Variants in ST6GALNAC3 observed in about 807,000 individuals in gnomAD.
ST6GALNAC3 encodes ST6 N-acetylgalactosaminide alpha-2,6-sialyltransferase 3.
A neutral mutation model predicts 32.7 loss-of-function variants in ST6GALNAC3; 25 were observed. The ratio of observed to expected loss-of-function variants is 0.76; its 90% CI spans 0.56 to 1.07. The LOEUF is 1.07. ST6GALNAC3 is among the 50% of genes least tolerant of loss of function. The pLI is 0.00. For synonymous variants in ST6GALNAC3, 129 were observed against 133.1 expected (o/e 0.97, Z 0.21); for missense variants, 355 against 382.4 (o/e 0.93, Z 0.60).
chr1:76,271,509 A>G (rs1658842127), intron 1 of ST6GALNAC3, among the ~76,000 whole-genome samples: 1 of 152,240 alleles, frequency 6.6e-6, no homozygotes, highest in South Asian at 2.1e-4. Flanking sequence ...TTATTGGGAC[A>G]AAACAGATCA....
At chr1:76,233,252 A>G (rs551424863) in intron 1 of ST6GALNAC3, among the ~76,000 whole-genome samples, 1 of 152,294 alleles carries the variant, frequency 6.6e-6, no homozygotes, top group African/African-American at 2.4e-5. Context: ...TATGATTCAC[A>G]TTAAGAGAGT....
At chr1:76,533,476 C>G (rs1663392146) in intron 3 of ST6GALNAC3, among the ~76,000 whole-genome samples, 1 of 152,150 alleles carries the variant, frequency 6.6e-6, no homozygotes, top group African/African-American at 2.4e-5. Context: ...CCTACATCAC[C>G]CGCCTGCTCA....
At chr1:76,150,978 C>A (rs906440131) in intron 1 of ST6GALNAC3, among the ~76,000 whole-genome samples, 4 of 152,186 alleles carry the variant, frequency 2.6e-5, no homozygotes, top group Non-Finnish European at 1.5e-5. Context: ...TACTTGGACT[C>A]TGAAAAGGTG....
At position 76,368,217 on chromosome 1, in the gene ST6GALNAC3, T is replaced by C. The variant is rs76381761; in HGVS notation, c.214-43791T>C. On this transcript the variant is annotated intron_variant, in intron 2 of 4. Coordinates refer to ENST00000328299, the MANE Select transcript of ST6GALNAC3 (RefSeq NM_152996.4). ...GAGAAAACCAGCACAAAACCATCTA[T>C]AGGCAATAGACAAATGAATGAATGT... Among the ~76,000 whole-genome samples, 164 of 152,258 alleles carry C rather than the reference T, an allele frequency of 1.1e-3. 4 individuals are homozygous for C. The East Asian group carries it at 0.03, about 28-fold the overall frequency.
intron 1 of ST6GALNAC3, among the ~76,000 whole-genome samples, chr1:76,096,715 A>C (rs528944153): frequency 2.2e-4 from 34 of 151,808 alleles, no homozygotes; most frequent in African/African-American, 8.0e-4. Context: ...TGAGGACAGA[A>C]CATCGTAGGT....
rs1286608086 is a variant in ST6GALNAC3, at chr1:76,287,757, C to T, written c.19-26048C>T. Among the ~76,000 whole-genome samples the T allele has an allele frequency of 2.0e-5, 3 of 152,190 alleles. No individual in the cohort carries two copies. In the East Asian group the frequency reaches 5.8e-4, roughly 29 times the overall value. On this transcript the variant is annotated intron_variant, in intron 1 of 4. Coordinates refer to ENST00000328299, the MANE Select transcript of ST6GALNAC3 (RefSeq NM_152996.4). ...TAGTCCATTGGGTGTGTTTGTTCTT[C>T]ACATTATCCAGAGCATCTGCCAGTT...
downstream of ST6GALNAC3, among the ~76,000 whole-genome samples, chr1:76,635,130 A>T (rs1435125254): frequency 6.6e-6 from 1 of 152,160 alleles, no homozygotes; most frequent in Non-Finnish European, 1.5e-5. Flanking sequence ...ATATTAACAA[A>T]GTTGGGTTAG....
chr1:76,273,213 T>C (rs999050733), intron 1 of ST6GALNAC3, among the ~76,000 whole-genome samples: 8 of 152,100 alleles, frequency 5.3e-5, no homozygotes, highest in African/African-American at 1.7e-4. Context: ...AAAACCTTCA[T>C]GGATTAAAAT....
intron 3 of ST6GALNAC3, among the ~76,000 whole-genome samples, chr1:76,458,556 T>C (rs1464576525): frequency 6.9e-6 from 1 of 145,580 alleles, no homozygotes; most frequent in African/African-American, 2.6e-5. Context: ...TATGCAGCCA[T>C]AAAAAATGAT....
Position 76,627,527 on chromosome 1 carries a change from C to G in ST6GALNAC3, c.699C>G (p.His233Gln). 2 of 1,612,582 alleles carry G rather than the reference C, an allele frequency of 1.2e-6. No homozygotes were observed. Among genetic ancestry groups the G allele is most frequent in the Non-Finnish European group, 1.7e-6 (2 of 1,178,954 alleles). Residue 233 changes from histidine to glutamine, a missense_variant, in exon 4 of 5, where the codon CAC becomes CAG. Coordinates refer to ENST00000328299, the MANE Select transcript of ST6GALNAC3 (RefSeq NM_152996.4). The part of the protein sequence containing the change: ...LLAMDACYGI[H>Q]VYGMINDTYC... Reference sequence around the variant, plus strand: ...CCATGGACGCCTGTTATGGCATTCACGTCTACGGGATGATAAATGACACCT... The same window carrying G: ...CCATGGACGCCTGTTATGGCATTCAGGTCTACGGGATGATAAATGACACCT...
chr1:76,398,227 T>C (rs1487368209), intron 2 of ST6GALNAC3, among the ~76,000 whole-genome samples: 1 of 152,248 alleles, frequency 6.6e-6, no homozygotes, highest in Non-Finnish European at 1.5e-5. Flanking sequence ...ACAAATCTCT[T>C]TAGTGAATGG....
chr1:76,232,036 A>G (rs1159146133), intron 1 of ST6GALNAC3, among the ~76,000 whole-genome samples: 33 of 152,208 alleles, frequency 2.2e-4, no homozygotes, highest in Admixed American at 2.2e-3. Context: ...GAGAAACTTC[A>G]CTTACCCAAG....
At chr1:76,461,571 G>A (rs1658281615) in intron 3 of ST6GALNAC3, among the ~76,000 whole-genome samples, 1 of 152,118 alleles carries the variant, frequency 6.6e-6, no homozygotes, top group Non-Finnish European at 1.5e-5. Flanking sequence ...TTCTGTCTCA[G>A]CATGGGCATC....
chr1:76,230,812 A>G (rs1656323810), intron 1 of ST6GALNAC3, among the ~76,000 whole-genome samples: 2 of 152,246 alleles, frequency 1.3e-5, no homozygotes, highest in Admixed American at 1.3e-4. Context: ...AATTGTAACA[A>G]CAATAAAACA....
intron 3 of ST6GALNAC3, among the ~76,000 whole-genome samples, chr1:76,498,920 T>C (rs575768825): frequency 1.1e-4 from 16 of 152,090 alleles, no homozygotes; most frequent in Non-Finnish European, 2.4e-4. Flanking sequence ...TTTGATTATA[T>C]AAGAATGTAA....
At chr1:76,339,884 G>T (rs1020707107) in intron 2 of ST6GALNAC3, among the ~76,000 whole-genome samples, 11 of 152,184 alleles carry the variant, frequency 7.2e-5, no homozygotes, top group African/African-American at 2.7e-4. Flanking sequence ...AAATCATTCA[G>T]AGCAGGTTCT....
At chr1:76,484,747 T>C (rs1240036042) in intron 3 of ST6GALNAC3, among the ~76,000 whole-genome samples, 1 of 152,198 alleles carries the variant, frequency 6.6e-6, no homozygotes, top group East Asian at 1.9e-4. Flanking sequence ...TGGCCAGAAC[T>C]TCCAACACTA....
At chr1:76,110,679 G>A (rs1281136622) in intron 1 of ST6GALNAC3, among the ~76,000 whole-genome samples, 4 of 152,226 alleles carry the variant, frequency 2.6e-5, no homozygotes, top group African/African-American at 9.6e-5. Flanking sequence ...GTGTCCACCA[G>A]TGGATGGTCT....
rs576205888 is a variant in ST6GALNAC3, at chr1:76,298,493, A to G, written c.19-15312A>G. ...ATTACATGGTAAGTTCTAAAGCAGC[A>G]GGGACAAGGCTCAGAGTAACTAAAC... On this transcript the variant is annotated intron_variant, in intron 1 of 4. Transcript: ENST00000328299. 3.5e-4 allele frequency among the ~76,000 whole-genome samples: 53 copies of G among 152,204 alleles called. No individual in the cohort carries two copies. In the South Asian group the frequency reaches 0.011, roughly 31 times the overall value.
Sources: allele counts gnomAD v4.1 joint callset (sites outside exome capture counted in the v4.1 genomes callset), GRCh38; gene constraint gnomAD v4.1.1; transcripts MANE v1.5; gene names NCBI Gene and HGNC (gene_info 2026-07-23, HGNC 2026-07-21).